DYNLRB1: variants seen among roughly 807,000 people sequenced by gnomAD.
DYNLRB1 encodes the protein dynein light chain roadblock-type 1.
Under a neutral mutation model 13.5 loss-of-function variants are expected in DYNLRB1, and 6 were observed. The ratio of observed to expected loss-of-function variants is 0.44; its 90% confidence interval spans 0.24 to 0.88. DYNLRB1 has a LOEUF of 0.88. Ranked by LOEUF, DYNLRB1 falls within the 40% of genes least tolerant of loss-of-function variation. The probability of loss-of-function intolerance (pLI) is 0.21; values close to 1 mark genes in which losing one functional copy is unlikely to be tolerated. For missense variants in DYNLRB1, 93 were observed against 127.2 expected, an observed-to-expected ratio of 0.73 and a Z score of 1.29; for synonymous variants, 43 against 45.0, an observed-to-expected ratio of 0.96 and a Z score of 0.18.
rs756501696 is a variant in DYNLRB1, at chr20:34,516,446, G to A, written c.-13G>A. 1.9e-6 allele frequency: 3 copies of A among 1,609,054 alleles called. No individual in the cohort carries two copies. Among genetic ancestry groups the A allele is most frequent in the Non-Finnish European group, 1.7e-6 (2 of 1,179,588 alleles). On this transcript the variant is annotated 5_prime_UTR_variant, in exon 1 of 4. Transcript: ENST00000357156. ...TAAGTGTTCGCTACGCGGGGCTACC[G>A]GATCGGTCGGAAATGGTGAGCGTGC...
At chr20:34,533,483 A>G in intron 2 of DYNLRB1, 2 of 985,444 alleles carry the variant, frequency 2.0e-6, no homozygotes, top group Non-Finnish European at 2.4e-6. Context: ...CATGATGGTT[A>G]TGTCCCAGCA....
intron 3 of DYNLRB1, 26 bp downstream of exon 3, chr20:34,534,821 T>G: frequency 6.2e-7 from 1 of 1,613,850 alleles, no homozygotes; most frequent in South Asian, 1.1e-5. Context: ...CCTCCCCATG[T>G]AGGAACAGAC....
At chr20:34,537,212 GTC>G (rs1484624808) in intron 3 of DYNLRB1, among the ~76,000 whole-genome samples, 26 of 152,174 alleles carry the variant, frequency 1.7e-4, no homozygotes, top group South Asian at 2.1e-4. Context: ...AAGTCACACT[GTC>G]TCTCTCCCAC....
At chr20:34,538,531 C>T (rs1473539874) in intron 3 of DYNLRB1, among the ~76,000 whole-genome samples, 1 of 152,192 alleles carries the variant, frequency 6.6e-6, no homozygotes, top group Non-Finnish European at 1.5e-5. Context: ...CAACCTTCAA[C>T]ACACACTACC....
At chr20:34,516,657 C>T (rs370259144) in intron 1 of DYNLRB1, 196 bp downstream of exon 1, 3 of 1,461,876 alleles carry the variant, frequency 2.1e-6, no homozygotes, top group Non-Finnish European at 1.8e-6. Context: ...CGAGGCGGGG[C>T]CGCCGGATCC....
intron 1 of DYNLRB1, among the ~76,000 whole-genome samples, chr20:34,525,187 C>G (rs1030670467): frequency 1.3e-5 from 2 of 152,110 alleles, no homozygotes; most frequent in African/African-American, 2.4e-5. Flanking sequence ...GGATCCCCCC[C>G]CCCATTTCTT....
intron 1 of DYNLRB1, chr20:34,516,877 GTAGATACAATCTT>G: frequency 6.6e-7 from 1 of 1,516,334 alleles, no homozygotes; most frequent in Non-Finnish European, 8.9e-7. Flanking sequence ...GCTCTGTGAG[GTAGATACAATCTT>G]TAGTCCCATT....
chr20:34,537,471 A>T (rs1981237519), intron 3 of DYNLRB1, among the ~76,000 whole-genome samples: 1 of 152,160 alleles, frequency 6.6e-6, no homozygotes, highest in South Asian at 2.1e-4. Context: ...ACCTCCCTCC[A>T]CTGCTGACAC....
chr20:34,535,533 C>G, intron 3 of DYNLRB1: 2 of 778,102 alleles, frequency 2.6e-6, no homozygotes, highest in Non-Finnish European at 3.1e-6. Context: ...AGCCACATCT[C>G]CTGCCCGGCT....
chr20:34,517,278 A>G (rs1049401510), intron 1 of DYNLRB1, among the ~76,000 whole-genome samples: 1 of 152,230 alleles, frequency 6.6e-6, no homozygotes. Flanking sequence ...AAACCGTGTC[A>G]TCACCTAGAG....
intron 1 of DYNLRB1, among the ~76,000 whole-genome samples, chr20:34,519,244 G>A (rs550677753): frequency 1.3e-5 from 2 of 152,238 alleles, no homozygotes; most frequent in South Asian, 2.1e-4. Flanking sequence ...AGTACCAGAG[G>A]ATATAATATA....
intron 1 of DYNLRB1, among the ~76,000 whole-genome samples, 165 bp from the exon 2 acceptor site, chr20:34,526,103 C>G (rs1389593453): frequency 6.6e-6 from 1 of 152,120 alleles, no homozygotes; most frequent in African/African-American, 2.4e-5. Context: ...TGGTGGTGGC[C>G]GGAGGAGCAC....
At chr20:34,523,345 T>C (rs902472165) in intron 1 of DYNLRB1, among the ~76,000 whole-genome samples, 2 of 152,190 alleles carry the variant, frequency 1.3e-5, no homozygotes, top group African/African-American at 4.8e-5. Flanking sequence ...TGTCACTCTT[T>C]ACCTCAAAAC....
intron 3 of DYNLRB1, chr20:34,535,004 C>A: frequency 7.1e-7 from 1 of 1,414,044 alleles, no homozygotes. Context: ...GAGGGTAACC[C>A]CAGTCTCCTG....
At chr20:34,516,791 C>G in intron 1 of DYNLRB1, 1 of 1,550,070 alleles carries the variant, frequency 6.5e-7, no homozygotes. Context: ...ACCCTGGCAA[C>G]GTTTCCCGGG....
intron 3 of DYNLRB1, chr20:34,536,539 G>A: frequency 1.1e-6 from 1 of 926,754 alleles, no homozygotes; most frequent in Non-Finnish European, 1.3e-6. Context: ...AAGGTCAGGA[G>A]TTCAAGACCA....
At chr20:34,516,265 T>C, upstream of DYNLRB1, 2 of 873,308 alleles carry the variant, frequency 2.3e-6, no homozygotes, top group Middle Eastern at 3.5e-4. Flanking sequence ...TCCTTAGCTT[T>C]TCGCTTTGCC....
At chr20:34,529,309 G>A (rs1980514404) in intron 2 of DYNLRB1, among the ~76,000 whole-genome samples, 1 of 152,230 alleles carries the variant, frequency 6.6e-6, no homozygotes, top group African/African-American at 2.4e-5. Flanking sequence ...TGCTCTTAGA[G>A]AGCCTCTTAT....
At chr20:34,526,021 A>G (rs1195348746) in intron 1 of DYNLRB1, among the ~76,000 whole-genome samples, 2 of 152,210 alleles carry the variant, frequency 1.3e-5, no homozygotes, top group Non-Finnish European at 2.9e-5. Flanking sequence ...GGGTGGGATA[A>G]TAGTGCCTGG....
Sources: gnomAD v4.1 joint callset for allele counts (sites outside exome capture counted in the v4.1 genomes callset) on GRCh38, gnomAD v4.1.1 for gene constraint, MANE v1.5 for transcripts, NCBI Gene and HGNC (gene_info 2026-07-23, HGNC 2026-07-21) for gene names.